VRTN: variants seen among roughly 807,000 people sequenced by gnomAD.
VRTN encodes the protein vertebrae development associated.
VRTN carries 5 observed loss-of-function variants against 18.2 expected under a neutral mutation model. The observed-to-expected ratio is 0.27, with a 90% confidence interval of 0.14 to 0.58. The LOEUF (loss-of-function observed/expected upper bound fraction) is 0.58. Ranked by LOEUF, VRTN falls within the 20% of genes least tolerant of loss-of-function variation. VRTN has a pLI of 0.91. For missense variants in VRTN, 741 were observed against 939.4 expected (o/e 0.79, Z 2.76); for synonymous variants, 381 against 393.7 (o/e 0.97, Z 0.38).
intron 1 of VRTN, among the ~76,000 whole-genome samples, chr14:74,330,683 CGCCT>C (rs1567041411): frequency 1.3e-5 from 2 of 151,182 alleles, no homozygotes; most frequent in Admixed American, 1.3e-4. Flanking sequence ...TCAGGTGATC[CGCCT>C]GCCTCAGCCT....
Position 74,331,541 on chromosome 14 carries a change from A to ATT in VRTN, c.-163-6179_-163-6178dup, listed in dbSNP as rs1236147395. 2.2e-3 allele frequency among the ~76,000 whole-genome samples: 112 copies of ATT among 50,672 alleles called. 1 individual carries two copies. Among genetic ancestry groups the ATT allele is most frequent in the East Asian group, 6.5e-3 (7 of 1,080 alleles). The allele number at this position is 50,672 out of a possible 152,430, so 33.2% of individuals were successfully genotyped here. The stretch of plus-strand genomic sequence containing the variant: ...CAAAACTCCATCTCAAAAAAAAAAA[A>ATT]TTTTATATATATATATATATATATA... On this transcript the variant is annotated intron_variant, in intron 1 of 2. Coordinates refer to the VRTN transcript ENST00000557177.
chr14:74,344,347 C>CT (rs2085628050), upstream of VRTN, among the ~76,000 whole-genome samples: 1 of 135,170 alleles, frequency 7.4e-6, no homozygotes, highest in African/African-American at 2.8e-5. Flanking sequence ...AAGGTCAAGG[C>CT]TGCAGTGAGC....
intron 1 of VRTN, among the ~76,000 whole-genome samples, chr14:74,316,105 A>G (rs1289724732): frequency 1.3e-5 from 2 of 152,200 alleles, no homozygotes; most frequent in African/African-American, 4.8e-5. Context: ...CTGCCTTGAA[A>G]GGGAATCTGG....
intron 1 of VRTN, among the ~76,000 whole-genome samples, chr14:74,323,627 C>T (rs1800067022): frequency 6.6e-6 from 1 of 151,622 alleles, no homozygotes; most frequent in Admixed American, 6.6e-5. Context: ...AAAACCAGTG[C>T]AGATTCCTAG....
intron 1 of VRTN, among the ~76,000 whole-genome samples, chr14:74,305,010 C>T (rs1242396834): frequency 6.6e-6 from 1 of 152,078 alleles, no homozygotes; most frequent in African/African-American, 2.4e-5. Context: ...CCCAGGGTGC[C>T]TCAGCATTGT....
intron 1 of VRTN, among the ~76,000 whole-genome samples, chr14:74,336,727 C>T (rs1373204987): frequency 6.6e-6 from 1 of 150,454 alleles, no homozygotes; most frequent in Non-Finnish European, 1.5e-5. Flanking sequence ...CAGTTGAGAT[C>T]GTGCCATTGC....
At chr14:74,328,972 A>T (rs529685854) in intron 1 of VRTN, among the ~76,000 whole-genome samples, 1 of 152,088 alleles carries the variant, frequency 6.6e-6, no homozygotes, top group Admixed American at 6.6e-5. Context: ...TGTCTCTATT[A>T]AAAATACAAA....
chr14:74,345,018 C>T (rs1018235397), upstream of VRTN, among the ~76,000 whole-genome samples: 1 of 151,982 alleles, frequency 6.6e-6, no homozygotes, highest in Non-Finnish European at 1.5e-5. Context: ...AAATTTGAAT[C>T]CTGATCTTTT....
intron 1 of VRTN, among the ~76,000 whole-genome samples, chr14:74,315,359 A>G (rs1466470743): frequency 2.0e-5 from 3 of 152,178 alleles, no homozygotes; most frequent in Non-Finnish European, 2.9e-5. Flanking sequence ...TATAACAAGC[A>G]TGAGCCACCG....
chr14:74,343,662 A>C (rs1007014397), upstream of VRTN, among the ~76,000 whole-genome samples: 10 of 152,192 alleles, frequency 6.6e-5, no homozygotes, highest in Non-Finnish European at 1.3e-4. Context: ...ATCTCGGCTA[A>C]AATAGAAGCC....
intron 1 of VRTN, among the ~76,000 whole-genome samples, chr14:74,355,519 TA>T (rs562044234): frequency 6.8e-4 from 102 of 149,416 alleles, no homozygotes; most frequent in African/African-American, 2.2e-3. Context: ...TTCTTTTCTT[TA>T]AAAAAAAAAT....
At chr14:74,333,388 A>AAAATAAATAAAAATAAATAAAT (rs2085542101) in intron 1 of VRTN, among the ~76,000 whole-genome samples, 1 of 151,848 alleles carries the variant, frequency 6.6e-6, no homozygotes, top group African/African-American at 2.4e-5. Flanking sequence ...ATCTCAAAAA[A>AAAATAAATAAAAATAAATAAAT]AAGAGGTGGG....
At chr14:74,347,191 C>T (rs2085649139), upstream of VRTN, among the ~76,000 whole-genome samples, 1 of 152,160 alleles carries the variant, frequency 6.6e-6, no homozygotes, top group Non-Finnish European at 1.5e-5. Flanking sequence ...ATGCTATACC[C>T]CATTAACCAC....
At chr14:74,343,843 T>G (rs937790952), upstream of VRTN, among the ~76,000 whole-genome samples, 1 of 152,010 alleles carries the variant, frequency 6.6e-6, no homozygotes, top group Non-Finnish European at 1.5e-5. Context: ...GTCACCAGGC[T>G]GGAGTACAGT....
chr14:74,324,388 A>C (rs1440421119), intron 1 of VRTN, among the ~76,000 whole-genome samples: 5 of 2,716 alleles, frequency 1.8e-3, no homozygotes, highest in Non-Finnish European at 2.6e-3. Context: ...ACTCTGACTC[A>C]AAAAAAAAAA....
intron 1 of VRTN, among the ~76,000 whole-genome samples, chr14:74,308,348 C>A (rs986590654): frequency 1.3e-5 from 2 of 152,198 alleles, no homozygotes; most frequent in Non-Finnish European, 1.5e-5. Context: ...TCCTCTTCTA[C>A]CCCTTTAGAC....
chr14:74,322,125 C>T (rs1269449392), intron 1 of VRTN, among the ~76,000 whole-genome samples: 2 of 150,872 alleles, frequency 1.3e-5, no homozygotes, highest in African/African-American at 2.4e-5. Context: ...GGATTACAGG[C>T]GTGAGCCACC....
In VRTN at chr14:74,358,823, C is replaced by T. The variant is rs774025461; in HGVS notation, c.2040C>T (p.Leu680=). The T allele has an allele frequency of 3.1e-6, 5 of 1,614,214 alleles. No individual in the cohort carries two copies. Among genetic ancestry groups the T allele is most frequent in the African/African-American group, 1.3e-5 (1 of 75,084 alleles). Residue 680 remains leucine, a synonymous_variant, in exon 2 of 2, where the codon CTC becomes CTT. Transcript: ENST00000256362. The surrounding 1 kb of genome is among the most constrained non-coding windows in gnomAD (Gnocchi z 5.4). The part of the protein sequence containing the change: ...SYKEFSALFP[L]TARSTYYMWK... ...AGGAGTTCAGTGCCCTCTTTCCCCT[C>T]ACTGCCCGCTCCACATACTACATGT... is the stretch of plus-strand genomic sequence containing the variant.
chr14:74,328,433 A>G (rs1204030165), intron 1 of VRTN, among the ~76,000 whole-genome samples: 1 of 152,208 alleles, frequency 6.6e-6, no homozygotes, highest in Non-Finnish European at 1.5e-5. Context: ...AAATATATAA[A>G]TAAATATGTG....
Sources: gnomAD v4.1 joint callset for allele counts (sites outside exome capture counted in the v4.1 genomes callset) on GRCh38, gnomAD v4.1.1 for gene constraint, Gnocchi (gnomAD v3.1) non-coding constraint, MANE v1.5 for transcripts, NCBI Gene and HGNC (gene_info 2026-07-23, HGNC 2026-07-21) for gene names.